The following ATP8A2 variants were observed in gnomAD, a reference collection of about 807,000 sequenced individuals.
The protein encoded by ATP8A2 is phospholipid-transporting ATPase IB.
A neutral mutation model predicts 165.6 loss-of-function variants in ATP8A2; 100 were observed. The observed-to-expected ratio is 0.60, with a 90% confidence interval of 0.51 to 0.71. The LOEUF (loss-of-function observed/expected upper bound fraction) is 0.71. Among genes scored for constraint, ATP8A2 ranks in the 30% least tolerant of loss-of-function variants. ATP8A2 has a pLI of 0.00. For synonymous variants in ATP8A2, 543 were observed against 548.8 expected (o/e 0.99, Z 0.15); for missense variants, 1,227 against 1,479.5 (o/e 0.83, Z 2.80).
chr13:25,875,200 A>G (rs1196780561), intron 33 of ATP8A2, among the ~76,000 whole-genome samples: 1 of 152,128 alleles, frequency 6.6e-6, no homozygotes, highest in Non-Finnish European at 1.5e-5. Flanking sequence ...TCGGTTAACC[A>G]TACTGAACTT....
intron 30 of ATP8A2, among the ~76,000 whole-genome samples, chr13:25,846,193 A>G (rs1349655387): frequency 6.6e-6 from 1 of 152,188 alleles, no homozygotes; most frequent in Non-Finnish European, 1.5e-5. Context: ...AACAAAAAAA[A>G]AGATTAAAGA....
chr13:25,602,239 T>C (rs2040406727), intron 24 of ATP8A2, among the ~76,000 whole-genome samples: 2 of 152,194 alleles, frequency 1.3e-5, no homozygotes, highest in African/African-American at 2.4e-5. Flanking sequence ...GAGAGACAAT[T>C]ATAAAACATT....
intron 26 of ATP8A2, among the ~76,000 whole-genome samples, chr13:25,772,544 G>A (rs2044644693): frequency 6.6e-6 from 1 of 151,990 alleles, no homozygotes; most frequent in East Asian, 1.9e-4. Context: ...GATTCCGAAT[G>A]CGTGGTGAGC....
intron 1 of ATP8A2, among the ~76,000 whole-genome samples, chr13:25,447,600 C>G (rs960208347): frequency 6.6e-6 from 1 of 152,326 alleles, no homozygotes; most frequent in Admixed American, 6.5e-5. Context: ...TCTGCAACCT[C>G]TGGAGCACCA....
intron 1 of ATP8A2, among the ~76,000 whole-genome samples, chr13:25,393,990 A>G (rs910016582): frequency 2.6e-5 from 4 of 152,212 alleles, no homozygotes; most frequent in African/African-American, 7.2e-5. Context: ...ATATTATCTT[A>G]GGATCAATGA....
intron 33 of ATP8A2, among the ~76,000 whole-genome samples, chr13:25,890,543 G>A (rs779014763): frequency 6.6e-6 from 1 of 152,182 alleles, no homozygotes; most frequent in African/African-American, 2.4e-5. Context: ...ATGACCAGCA[G>A]ACCAGCCTCA....
chr13:25,653,733 A>G (rs1395910050), intron 24 of ATP8A2, among the ~76,000 whole-genome samples: 1 of 152,232 alleles, frequency 6.6e-6, no homozygotes, highest in African/African-American at 2.4e-5. Context: ...TGCTTCAGCA[A>G]CATAACTTTG....
chr13:25,539,232 G>A lies in ATP8A2; in HGVS notation c.582-1087G>A, dbSNP rs555341170. Among the ~76,000 whole-genome samples, 124 of 152,076 alleles carry A rather than the reference G, an allele frequency of 8.2e-4. 1 individual carries two copies. The highest frequency in any genetic ancestry group is 1.5e-3 in the Non-Finnish European group (100 of 67,966). On this transcript the variant is annotated intron_variant, in intron 7 of 36. Transcript: ENST00000381655. Reference sequence around the variant, plus strand: ...CCATCTCAGCCTCCTGAGTAGCTGGGACCACAGGTGCATGCCACCATGCCT... The same window carrying A: ...CCATCTCAGCCTCCTGAGTAGCTGGAACCACAGGTGCATGCCACCATGCCT...
intron 33 of ATP8A2, among the ~76,000 whole-genome samples, chr13:25,897,141 C>G (rs559511952): frequency 5.9e-5 from 9 of 152,296 alleles, no homozygotes; most frequent in African/African-American, 1.9e-4. Context: ...ATGGTCTTTA[C>G]AGTTTGGCAT....
chr13:25,376,741 A>T (rs2032641148), intron 1 of ATP8A2, among the ~76,000 whole-genome samples: 1 of 152,224 alleles, frequency 6.6e-6, no homozygotes, highest in South Asian at 2.1e-4. Context: ...GTAATAGAAG[A>T]ATTGGCAAAA....
At chr13:25,785,014 C>A (rs1457131845) in intron 27 of ATP8A2, among the ~76,000 whole-genome samples, 1 of 151,938 alleles carries the variant, frequency 6.6e-6, no homozygotes, top group African/African-American at 2.4e-5. Flanking sequence ...CTGCCTGCCT[C>A]GGCCTCCCAA....
intron 33 of ATP8A2, among the ~76,000 whole-genome samples, chr13:25,923,439 A>G (rs1396229710): frequency 6.6e-6 from 1 of 152,184 alleles, no homozygotes; most frequent in Non-Finnish European, 1.5e-5. Context: ...CAGGTTGTGA[A>G]ATCCTTATCT....
At chr13:25,710,354 A>G (rs1238728568) in intron 25 of ATP8A2, among the ~76,000 whole-genome samples, 2 of 152,198 alleles carry the variant, frequency 1.3e-5, no homozygotes, top group Non-Finnish European at 2.9e-5. Context: ...GCTACTGAGC[A>G]TCAGATCTTA....
intron 33 of ATP8A2, among the ~76,000 whole-genome samples, chr13:25,867,698 G>A (rs772204336): frequency 2.0e-5 from 3 of 152,248 alleles, no homozygotes; most frequent in South Asian, 2.1e-4. Flanking sequence ...AAGCCTGAAG[G>A]AGACACAGGG....
chr13:25,760,190 G>T (rs1323461166), intron 25 of ATP8A2, among the ~76,000 whole-genome samples: 2 of 152,118 alleles, frequency 1.3e-5, no homozygotes, highest in Non-Finnish European at 2.9e-5. Context: ...ATATCAAGTT[G>T]CCCTCACCAC....
chr13:25,863,814 C>T (rs1382256082), intron 33 of ATP8A2: 1 of 152,216 alleles, frequency 6.6e-6, no homozygotes, highest in Non-Finnish European at 1.5e-5. Flanking sequence ...TAGGAGTGGG[C>T]TTGCATGTCC....
At position 25,372,565 on chromosome 13, in the gene ATP8A2, T is replaced by TGC. The variant is rs1282770952; in HGVS notation, c.76+279_76+280dup. Among the ~76,000 whole-genome samples the TGC allele has an allele frequency of 2.6e-5, 4 of 152,190 alleles. No individual in the cohort carries two copies. Among genetic ancestry groups the TGC allele is most frequent in the East Asian group, 1.9e-4 (1 of 5,148 alleles). On this transcript the variant is annotated intron_variant, in intron 1 of 36. Coordinates refer to ENST00000381655, the MANE Select transcript of ATP8A2 (RefSeq NM_016529.6). The surrounding 1 kb of genome is among the most constrained non-coding windows in gnomAD (Gnocchi z 4.8). The stretch of plus-strand genomic sequence containing the variant: ...CCCTGTACAGATGTGTGTGTGTGTG[T>TGC]GCGGCCTCCCTGTGCGCGTGCCCGT...
chr13:25,709,925 G>A (rs1440154887), intron 25 of ATP8A2, among the ~76,000 whole-genome samples: 1 of 152,082 alleles, frequency 6.6e-6, no homozygotes, highest in Non-Finnish European at 1.5e-5. Context: ...AAATAAAGTA[G>A]GATCTTTCTG....
chr13:25,801,352 A>G (rs374526293), intron 27 of ATP8A2, among the ~76,000 whole-genome samples: 2 of 152,308 alleles, frequency 1.3e-5, no homozygotes, highest in South Asian at 2.1e-4. Context: ...CATGTTTCTC[A>G]GTGTCAAGCC....
Sources: allele counts gnomAD v4.1 joint callset (sites outside exome capture counted in the v4.1 genomes callset), GRCh38; gene constraint gnomAD v4.1.1; non-coding constraint Gnocchi (gnomAD v3.1); transcripts MANE v1.5; gene names NCBI Gene and HGNC (gene_info 2026-07-23, HGNC 2026-07-21).